L3MBTL4: variants seen among roughly 807,000 people sequenced by gnomAD.
L3MBTL4 encodes the protein L3MBTL histone methyl-lysine binding protein 4.
In L3MBTL4, 70 loss-of-function variants were observed where a neutral mutation model predicts 84.5. The ratio of observed to expected loss-of-function variants is 0.83; its 90% CI spans 0.68 to 1.01. L3MBTL4 has a LOEUF of 1.01. Ranked by LOEUF, L3MBTL4 falls within the 50% of genes least tolerant of loss-of-function variation. L3MBTL4 has a pLI of 0.00. For missense variants in L3MBTL4, 715 were observed against 754.8 expected (o/e 0.95, Z 0.62); for synonymous variants, 274 against 259.8 (o/e 1.05, Z -0.52).
At chr18:6,166,678 A>C (rs896478867) in intron 13 of L3MBTL4, among the ~76,000 whole-genome samples, 1 of 152,220 alleles carries the variant, frequency 6.6e-6, no homozygotes, top group Non-Finnish European at 1.5e-5. Context: ...CATTCAAAGC[A>C]GTGTGTAGAG....
chr18:6,294,497 T>G (rs1686219840), intron 4 of L3MBTL4, among the ~76,000 whole-genome samples: 1 of 152,188 alleles, frequency 6.6e-6, no homozygotes, highest in African/African-American at 2.4e-5. Context: ...GAATCCTTTA[T>G]TCAAACTCAA....
At chr18:6,051,592 T>G (rs1196743529) in intron 16 of L3MBTL4, among the ~76,000 whole-genome samples, 1 of 151,848 alleles carries the variant, frequency 6.6e-6, no homozygotes, top group Non-Finnish European at 1.5e-5. Flanking sequence ...TTGCTTTCCT[T>G]GGTAGGACAG....
chr18:6,351,703 C>A (rs1367294404), intron 1 of L3MBTL4, among the ~76,000 whole-genome samples: 1 of 152,044 alleles, frequency 6.6e-6, no homozygotes, highest in Non-Finnish European at 1.5e-5. Context: ...AGGCGCCTGC[C>A]ACCACCCCCG....
At chr18:6,028,702 CTT>C (rs1214965322) in intron 16 of L3MBTL4, among the ~76,000 whole-genome samples, 1 of 152,126 alleles carries the variant, frequency 6.6e-6, no homozygotes, top group Non-Finnish European at 1.5e-5. Flanking sequence ...TGTGTCCTCT[CTT>C]ATTTCCTTGA....
chr18:6,021,665 G>C (rs2055271848), intron 16 of L3MBTL4, among the ~76,000 whole-genome samples: 1 of 152,128 alleles, frequency 6.6e-6, no homozygotes, highest in Non-Finnish European at 1.5e-5. Flanking sequence ...TGATCCTTGG[G>C]GTTTCTGTGA....
intron 4 of L3MBTL4, among the ~76,000 whole-genome samples, chr18:6,264,335 C>T (rs1336324439): frequency 6.6e-6 from 1 of 152,200 alleles, no homozygotes; most frequent in Non-Finnish European, 1.5e-5. Context: ...AGAGGGTGAA[C>T]AGGCACAGGC....
At chr18:6,403,744 G>A (rs888886418) in intron 1 of L3MBTL4, among the ~76,000 whole-genome samples, 1 of 152,146 alleles carries the variant, frequency 6.6e-6, no homozygotes. Context: ...TCCCACTACT[G>A]GGTATCTAGC....
intron 16 of L3MBTL4, among the ~76,000 whole-genome samples, chr18:6,002,224 A>T (rs2054246740): frequency 6.6e-6 from 1 of 152,106 alleles, no homozygotes; most frequent in Non-Finnish European, 1.5e-5. Flanking sequence ...TTTGAGAGAA[A>T]CTTAGTAATT....
chr18:6,112,889 A>G (rs2059237301), intron 14 of L3MBTL4, among the ~76,000 whole-genome samples: 1 of 152,202 alleles, frequency 6.6e-6, no homozygotes, highest in Non-Finnish European at 1.5e-5. Context: ...GATTGATACA[A>G]TAGCTTCCTT....
chr18:6,378,417 G>A (rs917120802), intron 1 of L3MBTL4, among the ~76,000 whole-genome samples: 2 of 152,130 alleles, frequency 1.3e-5, no homozygotes, highest in African/African-American at 4.8e-5. Flanking sequence ...GAATGGTATT[G>A]CCTAGGTTTT....
At chr18:6,407,856 C>A (rs1489213468) in intron 1 of L3MBTL4, among the ~76,000 whole-genome samples, 1 of 152,170 alleles carries the variant, frequency 6.6e-6, no homozygotes, top group East Asian at 1.9e-4. Flanking sequence ...AATTCCACAC[C>A]TCAGAGTGCA....
At chr18:6,362,172 G>A (rs1289736709) in intron 1 of L3MBTL4, among the ~76,000 whole-genome samples, 1 of 106,666 alleles carries the variant, frequency 9.4e-6, no homozygotes, top group African/African-American at 3.8e-5. Flanking sequence ...AGGAAGGAAA[G>A]AAGAAAGGAA....
At chr18:6,378,162 G>T (rs541683532) in intron 1 of L3MBTL4, among the ~76,000 whole-genome samples, 8 of 152,164 alleles carry the variant, frequency 5.3e-5, no homozygotes, top group African/African-American at 1.9e-4. Flanking sequence ...TTTGGATGGG[G>T]TTGTTTGTTT....
At chr18:6,041,185 G>A (rs922289069) in intron 16 of L3MBTL4, among the ~76,000 whole-genome samples, 7 of 152,254 alleles carry the variant, frequency 4.6e-5, no homozygotes, top group Non-Finnish European at 8.8e-5. Context: ...GGACTGCCCA[G>A]TACATGCAGT....
chr18:6,123,591 G>T (rs1332084886), intron 14 of L3MBTL4, among the ~76,000 whole-genome samples: 1 of 152,184 alleles, frequency 6.6e-6, no homozygotes, highest in Non-Finnish European at 1.5e-5. Context: ...ATGTGAAACT[G>T]TGAGTCCATT....
intron 4 of L3MBTL4, among the ~76,000 whole-genome samples, chr18:6,271,243 C>T (rs549011523): frequency 6.6e-6 from 1 of 152,250 alleles, no homozygotes; most frequent in African/African-American, 2.4e-5. Context: ...TTCAAATGTC[C>T]TCTCTGCAAA....
intron 3 of L3MBTL4, 55 bp from the exon 4 acceptor site, chr18:6,302,012 C>G: frequency 7.3e-7 from 1 of 1,362,534 alleles, no homozygotes; most frequent in Non-Finnish European, 1.1e-6. Flanking sequence ...GTTGGAAACA[C>G]TGAAAACTAA....
intron 1 of L3MBTL4, among the ~76,000 whole-genome samples, chr18:6,350,658 G>A (rs534018914): frequency 2.6e-5 from 4 of 151,960 alleles, no homozygotes; most frequent in Non-Finnish European, 5.9e-5. Context: ...TATAGAAAAC[G>A]GTATGGTGGT....
At chr18:6,102,504 C>T (rs2143889791) in intron 14 of L3MBTL4, among the ~76,000 whole-genome samples, 1 of 152,352 alleles carries the variant, frequency 6.6e-6, no homozygotes, top group African/African-American at 2.4e-5. Context: ...TTCTCACATT[C>T]TGACTCCTGT....
Sources: allele counts gnomAD v4.1 joint callset (sites outside exome capture counted in the v4.1 genomes callset), GRCh38; gene constraint gnomAD v4.1.1; transcripts MANE v1.5; gene names NCBI Gene and HGNC (gene_info 2026-07-23, HGNC 2026-07-21).